SRRD: variants seen among roughly 807,000 people sequenced by gnomAD.
The protein encoded by SRRD is SRR1 domain containing, also known as SRR1-like protein.
SRRD carries 28 observed loss-of-function variants against 30.7 expected under a neutral mutation model. The observed-to-expected ratio is 0.91, with a 90% CI of 0.68 to 1.25. SRRD has a LOEUF of 1.25. SRRD is among the 50% of genes most tolerant of loss of function. SRRD has a pLI of 0.00. For missense variants in SRRD, 415 were observed against 417.3 expected (o/e 0.99, Z 0.05); for synonymous variants, 161 against 159.6 (o/e 1.01, Z -0.07).
intron 1 of SRRD, among the ~76,000 whole-genome samples, chr22:26,485,253 C>T (rs1423559056): frequency 1.3e-5 from 2 of 152,174 alleles, no homozygotes; most frequent in Non-Finnish European, 2.9e-5. Flanking sequence ...GAGATTGAGC[C>T]AGCATTTTAC....
intron 4 of SRRD, 54 bp from the exon 5 acceptor site, chr22:26,489,990 G>A: frequency 9.4e-6 from 15 of 1,593,142 alleles, no homozygotes; most frequent in Non-Finnish European, 1.2e-5. Flanking sequence ...CCCTCACCTT[G>A]CTGTAAAGAA....
chr22:26,491,560 T>C lies in SRRD; in HGVS notation c.908T>C (p.Leu303Pro). The C allele has an allele frequency of 1.2e-6, 2 of 1,614,158 alleles. No individual in the cohort carries two copies. Among genetic ancestry groups the C allele is most frequent in the Non-Finnish European group, 1.7e-6 (2 of 1,179,990 alleles). ...GTCCACTGGTTCCCTGTGCAAAAGCTAGAACAGCTCTCCATAGATATTTGG... is the reference window on the plus strand; with the variant it reads ...GTCCACTGGTTCCCTGTGCAAAAGCCAGAACAGCTCTCCATAGATATTTGG... Reference protein sequence around the residue: ...TSVHWFPVQKLEQLSIDIWEF... With the variant: ...TSVHWFPVQKPEQLSIDIWEF... The change falls in exon 7 of 7, where the codon CTA becomes CCA. Residue 303 changes from leucine to proline, a missense_variant. Transcript: ENST00000215917.
Position 26,491,015 on chromosome 22 carries a change from T to G in SRRD, c.765-10T>G. 1 of 1,609,112 alleles carries G rather than the reference T, an allele frequency of 6.2e-7. No homozygotes were observed. Among genetic ancestry groups the G allele is most frequent in the Non-Finnish European group, 8.5e-7 (1 of 1,178,616 alleles). ...TTTTTTTTGTTTTTTTGGTTTTTTT[T>G]AATTTCTAGGTTGTTGGCAAGGATT... On this transcript the variant is annotated splice_polypyrimidine_tract_variant and intron_variant, in intron 5 of 6. Coordinates refer to ENST00000215917, the MANE Select transcript of SRRD (RefSeq NM_001013694.3).
chr22:26,492,397 G>A lies in SRRD; in HGVS notation c.*725G>A, dbSNP rs773731544. 9 of 1,604,814 alleles carry A rather than the reference G, an allele frequency of 5.6e-6. No homozygotes were observed. Among genetic ancestry groups the A allele is most frequent in the Admixed American group, 1.7e-5 (1 of 59,824 alleles). The stretch of plus-strand genomic sequence containing the variant: ...AGATACAGGAGGACAGGGCGGTGAG[G>A]AGAGGTGTTTCCAGGTGTATGGAAG... On this transcript the variant is annotated 3_prime_UTR_variant, in exon 7 of 7. Coordinates refer to ENST00000215917, the MANE Select transcript of SRRD (RefSeq NM_001013694.3).
intron 2 of SRRD, among the ~76,000 whole-genome samples, chr22:26,486,914 CTTT>C (rs57889671): frequency 3.9e-5 from 5 of 128,878 alleles, no homozygotes; most frequent in African/African-American, 1.4e-4. Flanking sequence ...GTCTTTGCTG[CTTT>C]TTTTTTTTTT....
At position 26,494,051 on chromosome 22, in the gene SRRD, G is replaced by T; in HGVS notation, c.*2379G>T. 1 of 1,496,068 alleles carries T rather than the reference G, an allele frequency of 6.7e-7. No homozygotes were observed. The highest frequency in any genetic ancestry group is 9.1e-7 in the Non-Finnish European group (1 of 1,096,066). 92.7% of individuals were successfully genotyped at this position (1,496,068 alleles called of 1,614,324 possible). A position where few individuals can be genotyped will look rare whatever the true frequency, so the allele number is the denominator to read the frequency against. ...GACCTAAGGTTTAGGCTGCCTACAG[G>T]AACCAGAAAACTCTGATTCTGTGTC... On this transcript the variant is annotated 3_prime_UTR_variant, in exon 7 of 7. Coordinates refer to ENST00000215917, the MANE Select transcript of SRRD (RefSeq NM_001013694.3).
chr22:26,487,599 G>A (rs5752334), intron 2 of SRRD, among the ~76,000 whole-genome samples: 36,590 of 152,132 alleles, frequency 0.24, 4,812 homozygotes, highest in East Asian at 0.36. Flanking sequence ...GACCTCAGGC[G>A]ATCCACTCAC....
At position 26,491,454 on chromosome 22, in the gene SRRD, T is replaced by C; in HGVS notation, c.811-9T>C. The C allele has an allele frequency of 6.2e-7, 1 of 1,605,446 alleles. No homozygotes were observed. Among genetic ancestry groups the C allele is most frequent in the Non-Finnish European group, 8.5e-7 (1 of 1,176,060 alleles). ...TCTGAAGTTTTTATACTTGAATTTT[T>C]CTGCTCAGATTTTAAAAGGACTGGA... is the stretch of plus-strand genomic sequence containing the variant. On this transcript the variant is annotated splice_polypyrimidine_tract_variant and intron_variant, in intron 6 of 6. Coordinates refer to ENST00000215917, the MANE Select transcript of SRRD (RefSeq NM_001013694.3).
At chr22:26,484,771 G>A (rs145942057) in intron 1 of SRRD, among the ~76,000 whole-genome samples, 18 of 152,298 alleles carry the variant, frequency 1.2e-4, no homozygotes, top group African/African-American at 4.3e-4. Flanking sequence ...CTGTACCTTA[G>A]AAAGTACATA....
At chr22:26,486,171 C>G in intron 2 of SRRD, 108 bp downstream of exon 2, 1 of 1,299,944 alleles carries the variant, frequency 7.7e-7, no homozygotes, top group Non-Finnish European at 1.1e-6. Context: ...GTTCTAACGC[C>G]GCCCGCCCCT....
Position 26,488,504 on chromosome 22 carries a change from G to C in SRRD, c.609+16G>C, listed in dbSNP as rs1322457183. 2 of 1,592,608 alleles carry C rather than the reference G, an allele frequency of 1.3e-6. No homozygotes were observed. The highest frequency in any genetic ancestry group is 3.3e-5 in the Admixed American group (2 of 59,966). On this transcript the variant is annotated intron_variant, in intron 4 of 6. Transcript: ENST00000215917. Reference sequence around the variant, plus strand: ...TGAGAACGAGGTAAGTGGTTTAAAGGGGAGCAGACAGAACTGTAAAAATCC... The same window carrying C: ...TGAGAACGAGGTAAGTGGTTTAAAGCGGAGCAGACAGAACTGTAAAAATCC...
intron 4 of SRRD, among the ~76,000 whole-genome samples, chr22:26,489,377 T>C (rs1022075094): frequency 6.6e-6 from 1 of 151,936 alleles, no homozygotes; most frequent in Admixed American, 6.6e-5. Context: ...TTCGGAGGGA[T>C]GGAGGAAGGA....
rs752093181 is a variant in SRRD, at chr22:26,493,030, C to CT, written c.*1371dup. 0.011 allele frequency: 1,641 copies of CT among 144,730 alleles called. 29 individuals are homozygous for CT. The highest frequency in any genetic ancestry group is 0.088 in the East Asian group (440 of 5,010). 9.0% of individuals were successfully genotyped at this position (144,730 alleles called of 1,614,324 possible). A position where few individuals can be genotyped will look rare whatever the true frequency, so the allele number is the denominator to read the frequency against. On this transcript the variant is annotated 3_prime_UTR_variant, in exon 7 of 7. Transcript: ENST00000215917. ...TGTTTTCACAGAATAGGCTATTTTT[C>CT]TTTTTTTTTTTTTGAGACCGAGTCT... is the stretch of plus-strand genomic sequence containing the variant.
Position 26,493,940 on chromosome 22 carries a change from A to G in SRRD, c.*2268A>G, listed in dbSNP as rs1921573281. 1 of 571,126 alleles carries G rather than the reference A, an allele frequency of 1.8e-6. No homozygotes were observed. Among genetic ancestry groups the G allele is most frequent in the African/African-American group, 1.9e-5 (1 of 53,026 alleles). The allele number at this position is 571,126 out of a possible 1,614,324, so 35.4% of individuals were successfully genotyped here. A position where few individuals can be genotyped will look rare whatever the true frequency, so the allele number is the denominator to read the frequency against. On this transcript the variant is annotated 3_prime_UTR_variant, in exon 7 of 7. Transcript: ENST00000215917. The stretch of plus-strand genomic sequence containing the variant: ...TCCACTCAGGGAAGATGCCCCTCTC[A>G]GTCATGGTAGACCTGGGCAGTGGGT...
In SRRD at chr22:26,488,281, A is replaced by G. The variant is rs1480932072; in HGVS notation, c.503A>G (p.Lys168Arg). The G allele has an allele frequency of 1.2e-6, 2 of 1,613,564 alleles. No individual in the cohort carries two copies. Among genetic ancestry groups the G allele is most frequent in the Non-Finnish European group, 1.7e-6 (2 of 1,179,604 alleles). The change falls in exon 3 of 7, where the codon AAG (lysine) becomes AGG (arginine). Residue 168 changes from lysine (K) to arginine (R), a missense_variant. Coordinates refer to ENST00000215917, the MANE Select transcript of SRRD (RefSeq NM_001013694.3). ...ACGTTTTTGCTGCTTTTGTTGGAAA[A>G]GTGCCAGGTACATTTTTGGATTCAT... ...QLTFLLLLLEKCQIPRSHCWV... is the reference protein window; with the variant it reads ...QLTFLLLLLERCQIPRSHCWV...
At chr22:26,485,308 T>C (rs2091681111) in intron 1 of SRRD, among the ~76,000 whole-genome samples, 1 of 152,234 alleles carries the variant, frequency 6.6e-6, no homozygotes, top group African/African-American at 2.4e-5. Flanking sequence ...AGCATTCCTG[T>C]GTACATCAGA....
Position 26,488,058 on chromosome 22 carries a change from CTGGAACAACTGAAGGCCCCTG to C in SRRD, c.284_304del (p.Glu95_Val101del), listed in dbSNP as rs1379870785. 6.2e-7 allele frequency: 1 copy of C among 1,612,874 alleles called. No homozygotes were observed. The highest frequency in any genetic ancestry group is 8.5e-7 in the Non-Finnish European group (1 of 1,179,354). On this transcript the variant is annotated inframe_deletion, in exon 3 of 7. Coordinates refer to ENST00000215917, the MANE Select transcript of SRRD (RefSeq NM_001013694.3). ...CATCAATAGATGTCTCACAAAACAT[CTGGAACAACTGAAGGCCCCTG>C]TGGGGACTCTTTCAGACATCTTTGG... is the stretch of plus-strand genomic sequence containing the variant.
Position 26,491,967 on chromosome 22 carries a change from T to C in SRRD, c.*295T>C. ...AAAAATACTGTTTATTTACAGTACA[T>C]CCCTCTTAGGGGCAAGTCTCTGACT... On this transcript the variant is annotated 3_prime_UTR_variant, in exon 7 of 7. Coordinates refer to ENST00000215917, the MANE Select transcript of SRRD (RefSeq NM_001013694.3). 2 of 1,512,886 alleles carry C rather than the reference T, an allele frequency of 1.3e-6. No homozygotes were observed. The highest frequency in any genetic ancestry group is 1.4e-5 in the African/African-American group (1 of 72,372). 93.7% of individuals were successfully genotyped at this position (1,512,886 alleles called of 1,614,324 possible).
chr22:26,489,584 C>T (rs1487975780), intron 4 of SRRD, among the ~76,000 whole-genome samples: 2 of 152,026 alleles, frequency 1.3e-5, no homozygotes, highest in Non-Finnish European at 1.5e-5. Flanking sequence ...ATGTTCCCTG[C>T]TGGAGTTTGG....
Sources: gnomAD v4.1 joint callset for allele counts (sites outside exome capture counted in the v4.1 genomes callset) on GRCh38, gnomAD v4.1.1 for gene constraint, MANE v1.5 for transcripts, NCBI Gene and HGNC (gene_info 2026-07-23, HGNC 2026-07-21) for gene names.